The following DAB1 variants were observed in gnomAD, a reference collection of about 807,000 sequenced individuals.
DAB1 encodes DAB adaptor protein 1.
Under a neutral mutation model 64.6 loss-of-function variants are expected in DAB1, and 15 were observed. That is an observed-to-expected ratio of 0.23 (90% CI 0.16 to 0.36). The LOEUF (loss-of-function observed/expected upper bound fraction) is 0.36. DAB1 is among the 10% of genes least tolerant of loss of function. The pLI is 1.00. For missense variants in DAB1, 596 were observed against 706.7 expected (o/e 0.84, Z 1.78); for synonymous variants, 235 against 251.9 (o/e 0.93, Z 0.64).
At chr1:57,350,819 T>C (rs1678530001) in intron 1 of DAB1, among the ~76,000 whole-genome samples, 1 of 152,196 alleles carries the variant, frequency 6.6e-6, no homozygotes, top group African/African-American at 2.4e-5. Context: ...AAGACTACGG[T>C]GAACTTTGCT....
At chr1:58,165,266 T>C (rs1353462973) in intron 4 of DAB1, among the ~76,000 whole-genome samples, 2 of 152,166 alleles carry the variant, frequency 1.3e-5, no homozygotes, top group African/African-American at 4.8e-5. Context: ...TCTGGTTTTC[T>C]ACATCAAGAT....
intron 3 of DAB1, among the ~76,000 whole-genome samples, chr1:58,444,360 C>T (rs569215308): frequency 6.6e-6 from 1 of 152,322 alleles, no homozygotes; most frequent in South Asian, 2.1e-4. Flanking sequence ...GGAATTCTCC[C>T]TTATAGAGAT....
chr1:57,414,642 C>T (rs1684358186), intron 1 of DAB1, among the ~76,000 whole-genome samples: 1 of 152,178 alleles, frequency 6.6e-6, no homozygotes, highest in African/African-American at 2.4e-5. Flanking sequence ...CATTCAAAAA[C>T]ACCCATGATT....
chr1:57,850,355 G>A (rs1314851200), intron 1 of DAB1, among the ~76,000 whole-genome samples: 11 of 152,030 alleles, frequency 7.2e-5, no homozygotes, highest in African/African-American at 1.4e-4. Context: ...TAAAGAAAGC[G>A]AGGCTCAGAG....
chr1:57,864,466 G>T (rs1654203182), intron 1 of DAB1: 1 of 152,020 alleles, frequency 6.6e-6, no homozygotes, highest in Admixed American at 6.6e-5. Context: ...AAAAATCACA[G>T]CAAATAATTA....
chr1:58,466,486 G>A (rs1645297007), intron 3 of DAB1, among the ~76,000 whole-genome samples: 1 of 152,106 alleles, frequency 6.6e-6, no homozygotes, highest in African/African-American at 2.4e-5. Context: ...AAGCAATGTG[G>A]GGGCCCAAGG....
At chr1:57,465,003 GA>G (rs1686908800) in intron 7 of DAB1, among the ~76,000 whole-genome samples, 1 of 151,972 alleles carries the variant, frequency 6.6e-6, no homozygotes, top group South Asian at 2.1e-4. Flanking sequence ...CAAAGCTCAA[GA>G]AAAGAAGTGT....
At chr1:57,315,307 G>T (rs1320419359) in intron 1 of DAB1, among the ~76,000 whole-genome samples, 1 of 152,064 alleles carries the variant, frequency 6.6e-6, no homozygotes, top group Non-Finnish European at 1.5e-5. Flanking sequence ...TAATGTGTTT[G>T]CTCATTGTCT....
intron 5 of DAB1, among the ~76,000 whole-genome samples, chr1:57,889,223 C>T (rs916298426): frequency 6.6e-6 from 1 of 152,214 alleles, no homozygotes; most frequent in Non-Finnish European, 1.5e-5. Context: ...GTCCTTGAAA[C>T]CTGTTTCTGC....
intron 4 of DAB1, among the ~76,000 whole-genome samples, chr1:58,288,314 A>T (rs1351245969): frequency 6.6e-6 from 1 of 152,194 alleles, no homozygotes; most frequent in East Asian, 1.9e-4. Flanking sequence ...CTTCCTGCTT[A>T]TCTGAAGTTT....
In DAB1 at chr1:57,015,716, T is replaced by G. The variant is rs534118843; in HGVS notation, c.896-285A>C. 6.6e-5 allele frequency among the ~76,000 whole-genome samples: 10 copies of G among 152,336 alleles called. No individual in the cohort carries two copies. The South Asian group carries it at 1.4e-3, about 22-fold the overall frequency. On this transcript the variant is annotated intron_variant, in intron 11 of 14. Coordinates refer to ENST00000371236, the MANE Select transcript of DAB1 (RefSeq NM_001365792.1). ...GTTGCTAAAAGTTTCTAAAGTCTCATAGCCTCAGAAGCTGTGTGTCTCAGG... is the reference window on the plus strand; with the variant it reads ...GTTGCTAAAAGTTTCTAAAGTCTCAGAGCCTCAGAAGCTGTGTGTCTCAGG...
At position 57,604,902 on chromosome 1, in the gene DAB1, G is replaced by A. The variant is rs969274411; in HGVS notation, n.625+44690C>T. Among the ~76,000 whole-genome samples, 9 of 152,036 alleles carry A rather than the reference G, an allele frequency of 5.9e-5. No individual in the cohort carries two copies. In the East Asian group the frequency reaches 1.7e-3, roughly 29 times the overall value. On this transcript the variant is annotated intron_variant and non_coding_transcript_variant, in intron 7 of 20. Coordinates refer to the DAB1 transcript ENST00000485760. ...TCCTTGCTAGTTGTTACCCAGACCTGAGACCTTACTTGAAATATCCTATCT... is the reference window on the plus strand; with the variant it reads ...TCCTTGCTAGTTGTTACCCAGACCTAAGACCTTACTTGAAATATCCTATCT...
intron 4 of DAB1, among the ~76,000 whole-genome samples, chr1:58,219,029 G>C (rs61779229): frequency 0.3 from 24,886 of 82,292 alleles, 2,658 homozygotes; most frequent in Non-Finnish European, 0.42. Context: ...CTCTCTCTGT[G>C]TGTGTGTGTG....
At chr1:58,017,099 C>T (rs1156277504) in intron 5 of DAB1, among the ~76,000 whole-genome samples, 1 of 151,994 alleles carries the variant, frequency 6.6e-6, no homozygotes, top group East Asian at 1.9e-4. Context: ...CACATGAAAG[C>T]CCAGGTTCTC....
At chr1:57,549,806 AAG>A (rs975508266) in intron 7 of DAB1, among the ~76,000 whole-genome samples, 1 of 152,190 alleles carries the variant, frequency 6.6e-6, no homozygotes, top group African/African-American at 2.4e-5. Context: ...AGAAAGAACA[AAG>A]AGAGAATTTA....
chr1:57,000,930 A>G (rs946198150), intron 14 of DAB1, among the ~76,000 whole-genome samples: 1 of 152,222 alleles, frequency 6.6e-6, no homozygotes, highest in Non-Finnish European at 1.5e-5. Flanking sequence ...CAGCTGAGAT[A>G]AATATTCACA....
chr1:57,176,383 C>T (rs1035342147), intron 2 of DAB1, among the ~76,000 whole-genome samples: 1 of 151,994 alleles, frequency 6.6e-6, no homozygotes, highest in African/African-American at 2.4e-5. Flanking sequence ...GGGAAACCCC[C>T]GTTTTTAAAA....
At chr1:58,074,963 T>C (rs1649549399) in intron 5 of DAB1, among the ~76,000 whole-genome samples, 1 of 152,144 alleles carries the variant, frequency 6.6e-6, no homozygotes, top group African/African-American at 2.4e-5. Flanking sequence ...CACCATGTTA[T>C]GGACAAACAA....
intron 7 of DAB1, among the ~76,000 whole-genome samples, chr1:57,638,477 C>A (rs556823485): frequency 3.9e-5 from 6 of 152,296 alleles, no homozygotes; most frequent in Admixed American, 3.3e-4. Flanking sequence ...TCCTACCATG[C>A]AAACCATCCT....
Sources: gnomAD v4.1 joint callset for allele counts (sites outside exome capture counted in the v4.1 genomes callset) on GRCh38, gnomAD v4.1.1 for gene constraint, MANE v1.5 for transcripts, NCBI Gene and HGNC (gene_info 2026-07-23, HGNC 2026-07-21) for gene names.